Variants in UVRAG observed in about 807,000 individuals in gnomAD.
The protein encoded by UVRAG is UV radiation resistance-associated gene protein.
Under a neutral mutation model 78.0 loss-of-function variants are expected in UVRAG, and 19 were observed. The observed-to-expected ratio is 0.24, with a 90% CI of 0.17 to 0.36. The LOEUF (loss-of-function observed/expected upper bound fraction) is 0.36, where lower values mean the gene tolerates loss of function less well. Ranked by LOEUF, UVRAG falls within the 10% of genes least tolerant of loss-of-function variation. The probability of loss-of-function intolerance (pLI) is 1.00; values close to 1 mark genes in which losing one functional copy is unlikely to be tolerated. For synonymous variants in UVRAG, 323 were observed against 324.6 expected, an observed-to-expected ratio of 1.00 and a Z score of 0.05; for missense variants, 740 against 853.8, an observed-to-expected ratio of 0.87 and a Z score of 1.66.
intron 7 of UVRAG, among the ~76,000 whole-genome samples, chr11:75,974,348 C>CTTT (rs1250909052): frequency 1.6e-5 from 2 of 122,356 alleles, no homozygotes; most frequent in East Asian, 2.7e-4. Flanking sequence ...GCATAAATGT[C>CTTT]TTCTTTTTTT....
intron 5 of UVRAG, among the ~76,000 whole-genome samples, chr11:75,897,871 A>ATTTTTTTTCT (rs1947379452): frequency 9.2e-6 from 1 of 108,898 alleles, no homozygotes; most frequent in African/African-American, 4.0e-5. Flanking sequence ...TAGCTCTTTA[A>ATTTTTTTTCT]TTTTTTTTTT....
Position 75,940,912 on chromosome 11 carries a change from A to G in UVRAG, c.594-20532A>G, listed in dbSNP as rs17810275. ...TATATTTATAAAAGTCAAATGTATC[A>G]AATTGCCTGATGTATTTCCACAAGT... On this transcript the variant is annotated intron_variant, in intron 6 of 14. Coordinates refer to ENST00000356136, the MANE Select transcript of UVRAG (RefSeq NM_003369.4). Among the ~76,000 whole-genome samples, 1,295 of 152,264 alleles carry G rather than the reference A, an allele frequency of 8.5e-3. 13 individuals carry two copies. The highest frequency in any genetic ancestry group is 0.013 in the Non-Finnish European group (896 of 68,004).
At chr11:75,934,784 T>C (rs1225830333) in intron 6 of UVRAG, among the ~76,000 whole-genome samples, 2 of 152,200 alleles carry the variant, frequency 1.3e-5, no homozygotes, top group Non-Finnish European at 2.9e-5. Context: ...TCAGAAGCTG[T>C]TTACTCTTAT....
intron 5 of UVRAG, among the ~76,000 whole-genome samples, chr11:75,899,618 A>G (rs1161613470): frequency 1.3e-5 from 2 of 152,206 alleles, no homozygotes; most frequent in Non-Finnish European, 2.9e-5. Flanking sequence ...GCTATGCTGT[A>G]TGACATCTCC....
intron 3 of UVRAG, among the ~76,000 whole-genome samples, chr11:75,879,114 C>T (rs1195028984): frequency 3.9e-5 from 6 of 152,114 alleles, no homozygotes; most frequent in African/African-American, 1.4e-4. Flanking sequence ...ATAAAGCTGA[C>T]CTTGTTATTT....
At chr11:76,017,373 T>C (rs979806513) in intron 12 of UVRAG, among the ~76,000 whole-genome samples, 5 of 152,090 alleles carry the variant, frequency 3.3e-5, no homozygotes, top group Non-Finnish European at 7.4e-5. Flanking sequence ...TGAACATAGC[T>C]GAAAAGTAGA....
At chr11:76,124,150 A>G (rs1436808861) in intron 14 of UVRAG, among the ~76,000 whole-genome samples, 1 of 152,248 alleles carries the variant, frequency 6.6e-6, no homozygotes, top group Admixed American at 6.5e-5. Context: ...AAATGAGATA[A>G]TGTTCATCAA....
intron 14 of UVRAG, among the ~76,000 whole-genome samples, chr11:76,138,686 T>G (rs1024918039): frequency 3.9e-5 from 6 of 152,208 alleles, no homozygotes; most frequent in African/African-American, 1.4e-4. Flanking sequence ...CATGAGGGGT[T>G]AAGCACCTGG....
intron 6 of UVRAG, among the ~76,000 whole-genome samples, chr11:75,932,104 C>G (rs544755852): frequency 1.3e-5 from 2 of 151,958 alleles, no homozygotes; most frequent in African/African-American, 4.8e-5. Flanking sequence ...TTTTGAATGA[C>G]ATTTAGTATG....
chr11:75,980,791 C>T (rs775655640), intron 7 of UVRAG, among the ~76,000 whole-genome samples: 29 of 149,846 alleles, frequency 1.9e-4, no homozygotes, highest in Non-Finnish European at 2.5e-4. Context: ...AAGCAATTCT[C>T]CTGCCTCAGC....
intron 1 of UVRAG, among the ~76,000 whole-genome samples, chr11:75,820,576 AACTCCTGAGCT>A (rs1945365625): frequency 6.6e-6 from 1 of 151,950 alleles, no homozygotes; most frequent in Non-Finnish European, 1.5e-5. Flanking sequence ...GCTGGTCTTG[AACTCCTGAGCT>A]CAGGTGATCC....
intron 11 of UVRAG, among the ~76,000 whole-genome samples, chr11:76,013,412 T>C (rs905636339): frequency 1.3e-5 from 2 of 152,190 alleles, no homozygotes; most frequent in African/African-American, 4.8e-5. Flanking sequence ...TGTTTCTCCC[T>C]GGACCGTCCA....
intron 6 of UVRAG, among the ~76,000 whole-genome samples, chr11:75,953,397 C>T (rs1188041035): frequency 1.3e-5 from 2 of 152,134 alleles, no homozygotes; most frequent in African/African-American, 4.8e-5. Context: ...AATCTAAGCA[C>T]CTTCATATGA....
At chr11:75,983,607 A>G in intron 8 of UVRAG, 94 bp downstream of exon 8, 1 of 1,427,370 alleles carries the variant, frequency 7.0e-7, no homozygotes, top group Non-Finnish European at 9.3e-7. Context: ...TTTTTGTGTA[A>G]ATACAGTCAC....
intron 4 of UVRAG, among the ~76,000 whole-genome samples, chr11:75,887,841 C>T (rs1219712203): frequency 6.6e-6 from 1 of 152,160 alleles, no homozygotes; most frequent in African/African-American, 2.4e-5. Context: ...GCTTCGGCCT[C>T]CCAAAGTGCT....
rs372088183 is a variant in UVRAG, at chr11:76,016,873, G to C, written c.1119G>C (p.Met373Ile). 3.1e-6 allele frequency: 5 copies of C among 1,612,530 alleles called. No homozygotes were observed. In the African/African-American group the frequency reaches 6.7e-5, roughly 22 times the overall value. The change falls in exon 12 of 15, where the codon ATG becomes ATC. Residue 373 changes from methionine to isoleucine, a missense_variant. Met to Ile is a conservative substitution (Grantham distance 10). Transcript: ENST00000356136. ...ALGYTAHLVS[M>I]ISFFLQVPLR... ...GTTATACTGCACATCTGGTCTCCAT[G>C]ATTTCCTTTTTCCTACAAGTGCCCC...
At chr11:75,881,771 G>A (rs1041001178) in intron 4 of UVRAG, among the ~76,000 whole-genome samples, 45 of 152,146 alleles carry the variant, frequency 3.0e-4, no homozygotes, top group African/African-American at 1.1e-3. Flanking sequence ...TGTTAGAATT[G>A]TAAATGAAAT....
chr11:75,898,039 T>G (rs1947388190), intron 5 of UVRAG, among the ~76,000 whole-genome samples: 1 of 151,560 alleles, frequency 6.6e-6, no homozygotes, highest in Non-Finnish European at 1.5e-5. Context: ...CGGCTAATTT[T>G]TTTGTGTTTT....
chr11:75,886,471 T>C (rs1947081748), intron 4 of UVRAG, among the ~76,000 whole-genome samples: 1 of 152,220 alleles, frequency 6.6e-6, no homozygotes, highest in Non-Finnish European at 1.5e-5. Context: ...CAGGTATATA[T>C]GTGTAAAAAT....
Sources: gnomAD v4.1 joint callset for allele counts (sites outside exome capture counted in the v4.1 genomes callset) on GRCh38, gnomAD v4.1.1 for gene constraint, MANE v1.5 for transcripts, NCBI Gene and HGNC (gene_info 2026-07-23, HGNC 2026-07-21) for gene names.